The following RFX3 variants were observed in gnomAD, a reference collection of about 807,000 sequenced individuals.
The protein encoded by RFX3 is regulatory factor X3.
RFX3 carries 14 observed loss-of-function variants against 98.6 expected under a neutral mutation model. The observed-to-expected ratio is 0.14, with a 90% confidence interval of 0.09 to 0.22. The LOEUF is 0.22. Among genes scored for constraint, RFX3 ranks in the 10% least tolerant of loss-of-function variants. The pLI is 1.00. For missense variants in RFX3, 639 were observed against 926.9 expected (o/e 0.69, Z 4.03); for synonymous variants, 383 against 328.4 (o/e 1.17, Z -1.80).
chr9:3,505,372 A>ATAAAATACTT (rs1816935035), intron 1 of RFX3, among the ~76,000 whole-genome samples: 1 of 127,192 alleles, frequency 7.9e-6, no homozygotes, highest in Non-Finnish European at 1.6e-5. Context: ...TAAATATAAA[A>ATAAAATACTT]TATTTTATAT....
chr9:3,248,595 C>T (rs931423252), intron 14 of RFX3, among the ~76,000 whole-genome samples: 4 of 152,146 alleles, frequency 2.6e-5, no homozygotes, highest in African/African-American at 7.2e-5. Flanking sequence ...TCAGTGATAA[C>T]GATCTCTGGG....
At chr9:3,295,757 C>T (rs929127791) in intron 5 of RFX3, among the ~76,000 whole-genome samples, 1 of 151,822 alleles carries the variant, frequency 6.6e-6, no homozygotes, top group Non-Finnish European at 1.5e-5. Flanking sequence ...GCTTCCTTTG[C>T]TAATGAACAG....
In RFX3 at chr9:3,447,894, G is replaced by A. The variant is rs530830065; in HGVS notation, c.-8-52298C>T. Among the ~76,000 whole-genome samples, 6 of 152,036 alleles carry A rather than the reference G, an allele frequency of 3.9e-5. No homozygotes were observed. In the East Asian group the frequency reaches 1.2e-3, roughly 29 times the overall value. On this transcript the variant is annotated intron_variant, in intron 1 of 16. Coordinates refer to ENST00000617270, the MANE Select transcript of RFX3 (RefSeq NM_001282116.2). ...TATGCTAAAAGTCCCTTGTCTGCTT[G>A]ATCTCTCATGAACAATTTTAATCAG...
At chr9:3,420,853 A>C in intron 1 of RFX3, 1 of 985,104 alleles carries the variant, frequency 1.0e-6, no homozygotes. Context: ...TGTCCATTTA[A>C]ATCCCTTAGA....
At chr9:3,471,524 T>C (rs571502446) in intron 1 of RFX3, among the ~76,000 whole-genome samples, 1 of 152,342 alleles carries the variant, frequency 6.6e-6, no homozygotes, top group Non-Finnish European at 1.5e-5. Flanking sequence ...AACTTGTCTC[T>C]CTAAGTGTGA....
intron 4 of RFX3, among the ~76,000 whole-genome samples, chr9:3,316,325 GC>G (rs1451949655): frequency 6.6e-6 from 1 of 151,970 alleles, no homozygotes; most frequent in African/African-American, 2.4e-5. Flanking sequence ...AAATTCAATG[GC>G]CCTTCATGCT....
At chr9:3,470,888 T>A (rs1199332690) in intron 1 of RFX3, among the ~76,000 whole-genome samples, 1 of 152,222 alleles carries the variant, frequency 6.6e-6, no homozygotes, top group African/African-American at 2.4e-5. Context: ...TAACATTCTA[T>A]GAGTAATTTA....
rs1033075840 is a variant in RFX3, at chr9:3,310,300, C to T, written c.475-8680G>A. On this transcript the variant is annotated intron_variant, in intron 4 of 16. Coordinates refer to ENST00000617270, the MANE Select transcript of RFX3 (RefSeq NM_001282116.2). ...TGTCCCAAACAGAATATCATATATA[C>T]GGACAATTAGAACTCTCTCTTAATG... 1.8e-4 allele frequency among the ~76,000 whole-genome samples: 28 copies of T among 152,184 alleles called. No homozygotes were observed. In the East Asian group the frequency reaches 2.5e-3, roughly 14 times the overall value.
chr9:3,241,377 A>G (rs1434590726), intron 15 of RFX3, among the ~76,000 whole-genome samples: 1 of 152,116 alleles, frequency 6.6e-6, no homozygotes, highest in East Asian at 1.9e-4. Flanking sequence ...TCACAGTTAT[A>G]AGCAAATTTT....
At chr9:3,315,081 G>C (rs1242817088) in intron 4 of RFX3, among the ~76,000 whole-genome samples, 6 of 152,152 alleles carry the variant, frequency 3.9e-5, no homozygotes, top group Non-Finnish European at 8.8e-5. Flanking sequence ...ATTCTTCTCA[G>C]CATCACATCA....
intron 4 of RFX3, among the ~76,000 whole-genome samples, chr9:3,310,195 G>C (rs1184306785): frequency 1.3e-5 from 2 of 152,126 alleles, no homozygotes; most frequent in African/African-American, 2.4e-5. Context: ...AATGGGAAGA[G>C]GTGTTGAGTC....
At chr9:3,328,146 G>T (rs1374514056) in intron 4 of RFX3, among the ~76,000 whole-genome samples, 3 of 152,098 alleles carry the variant, frequency 2.0e-5, no homozygotes, top group Non-Finnish European at 4.4e-5. Flanking sequence ...TGGATGAAAT[G>T]AAAGTGGGAA....
At chr9:3,434,195 T>G (rs1036961519) in intron 1 of RFX3, among the ~76,000 whole-genome samples, 6 of 152,120 alleles carry the variant, frequency 3.9e-5, no homozygotes. Context: ...CCTACATAAT[T>G]AGTAATTATT....
rs188954928 is a variant in RFX3 at position 3,504,392 on chromosome 9, A to G, written c.-9+21355T>C. ...ATATATATTATATACCACATAGCAT[A>G]TATTGTATATAAAATATATATTATA... On this transcript the variant is annotated intron_variant, in intron 1 of 16. Transcript: ENST00000617270. 1.1e-3 allele frequency among the ~76,000 whole-genome samples: 143 copies of G among 134,464 alleles called. 1 individual carries two copies. Among genetic ancestry groups the G allele is most frequent in the Non-Finnish European group, 1.7e-3 (111 of 64,944 alleles). 88.2% of individuals were successfully genotyped at this position (134,464 alleles called of 152,430 possible).
At chr9:3,325,262 C>A (rs1831782089) in intron 4 of RFX3, among the ~76,000 whole-genome samples, 1 of 151,966 alleles carries the variant, frequency 6.6e-6, no homozygotes, top group South Asian at 2.1e-4. Context: ...ATAAACATGC[C>A]AAACCAAGAA....
intron 1 of RFX3, among the ~76,000 whole-genome samples, chr9:3,482,448 C>T (rs1849855862): frequency 6.6e-6 from 1 of 152,086 alleles, no homozygotes; most frequent in African/African-American, 2.4e-5. Flanking sequence ...TTGTACGTTT[C>T]TGTATTTTCT....
At position 3,525,829 on chromosome 9, in the gene RFX3, G is replaced by A. The variant is rs1819229805; in HGVS notation, c.-91C>T. 1 of 962,186 alleles carries A rather than the reference G, an allele frequency of 1.0e-6. No homozygotes were observed. The highest frequency in any genetic ancestry group is 1.2e-6 in the Non-Finnish European group (1 of 807,872). 59.6% of individuals were successfully genotyped at this position (962,186 alleles called of 1,614,324 possible). On this transcript the variant is annotated 5_prime_UTR_variant, in exon 1 of 17. Transcript: ENST00000617270. Reference sequence around the variant, plus strand: ...AGGAGGAGGAGGAAGAGGAGGAGGAGGAGGAGAGGAGTAGTTGTTGTTGAT... The same window carrying A: ...AGGAGGAGGAGGAAGAGGAGGAGGAAGAGGAGAGGAGTAGTTGTTGTTGAT...
chr9:3,449,096 T>C (rs868317761), intron 1 of RFX3, among the ~76,000 whole-genome samples: 5 of 152,288 alleles, frequency 3.3e-5, no homozygotes, highest in Non-Finnish European at 7.3e-5. Context: ...TACCTCATTT[T>C]TTCCATCTGT....
intron 13 of RFX3, among the ~76,000 whole-genome samples, chr9:3,260,689 C>G (rs969633987): frequency 6.6e-6 from 1 of 151,436 alleles, no homozygotes; most frequent in Non-Finnish European, 1.5e-5. Context: ...ACTTTTAATA[C>G]TCTTGCTTAT....
Sources: gnomAD v4.1 joint callset for allele counts (sites outside exome capture counted in the v4.1 genomes callset) on GRCh38, gnomAD v4.1.1 for gene constraint, MANE v1.5 for transcripts, NCBI Gene and HGNC (gene_info 2026-07-23, HGNC 2026-07-21) for gene names.